Variants in C9orf85 observed in about 807,000 individuals in gnomAD.
The protein encoded by C9orf85 is uncharacterized protein C9orf85.
C9orf85 carries 16 observed loss-of-function variants against 14.9 expected under a neutral mutation model. That is an observed-to-expected ratio of 1.08 (90% CI 0.73 to 1.63). The LOEUF (loss-of-function observed/expected upper bound fraction) is 1.63. Among genes scored for constraint, C9orf85 ranks in the 40% most tolerant of loss-of-function variants. The pLI, the probability that C9orf85 is intolerant of heterozygous loss-of-function variation, is 0.00. For synonymous variants in C9orf85, 45 were observed against 56.8 expected, an observed-to-expected ratio of 0.79 and a Z score of 0.93; for missense variants, 172 against 186.1, an observed-to-expected ratio of 0.92 and a Z score of 0.44.
intron 1 of C9orf85, among the ~76,000 whole-genome samples, chr9:71,924,296 T>C (rs1827882666): frequency 6.6e-6 from 1 of 152,368 alleles, no homozygotes; most frequent in East Asian, 1.9e-4. Flanking sequence ...TTTAGAACTT[T>C]ATGGCAAACA....
At chr9:71,975,395 C>A (rs983086069), downstream of C9orf85, among the ~76,000 whole-genome samples, 11 of 146,444 alleles carry the variant, frequency 7.5e-5, no homozygotes, top group Admixed American at 2.7e-4. Context: ...GAGCCAAGAT[C>A]GCGCCATTGC....
At chr9:71,912,627 A>T (rs1827538694) in intron 1 of C9orf85, among the ~76,000 whole-genome samples, 2 of 151,920 alleles carry the variant, frequency 1.3e-5, no homozygotes, top group Non-Finnish European at 2.9e-5. Context: ...GGCGCTTGTA[A>T]TCTCAGCACT....
chr9:71,976,283 A>G (rs1822993509), downstream of C9orf85, among the ~76,000 whole-genome samples: 1 of 152,334 alleles, frequency 6.6e-6, no homozygotes, highest in East Asian at 1.9e-4. Flanking sequence ...GGATATCAAG[A>G]CTGCATTCAC....
chr9:71,946,994 TTTG>T lies in C9orf85; in HGVS notation c.103-9_103-7del, dbSNP rs763866469. ...GTGAAATTCTCAATTTGTCTTTCTGTTTGTTTTTAAGAAAATTAATGCAAAACT... is the reference window on the plus strand; with the variant it reads ...GTGAAATTCTCAATTTGTCTTTCTGTTTTTTAAGAAAATTAATGCAAAACT... On this transcript the variant is annotated splice_polypyrimidine_tract_variant and intron_variant, in intron 1 of 3. Transcript: ENST00000334731. The T allele has an allele frequency of 1.3e-6, 2 of 1,594,802 alleles. No individual in the cohort carries two copies. The highest frequency in any genetic ancestry group is 2.7e-5 in the African/African-American group (2 of 74,418).
At chr9:71,934,517 G>A (rs1190399059) in intron 1 of C9orf85, among the ~76,000 whole-genome samples, 1 of 152,122 alleles carries the variant, frequency 6.6e-6, no homozygotes, top group Non-Finnish European at 1.5e-5. Flanking sequence ...GAGTAGAAAG[G>A]CAGCTCATAG....
rs779819278 is a variant in C9orf85, at chr9:71,911,780, C to G, written c.46C>G (p.His16Asp). The change falls in exon 1 of 4, where the codon CAC becomes GAC. Residue 16 changes from histidine to aspartate, a missense_variant. His to Asp is a moderately conservative substitution (Grantham distance 81). Transcript: ENST00000334731. ...CGTGGCTCGTTCCAGACCTCAGAAG[C>G]ACCAGAATACGTTTAGCTTCAAAAA... ...GNVARSRPQK[H>D]QNTFSFKNDK... 1 of 1,614,040 alleles carries G rather than the reference C, an allele frequency of 6.2e-7. No homozygotes were observed. Among genetic ancestry groups the G allele is most frequent in the African/African-American group, 1.3e-5 (1 of 74,922 alleles).
chr9:71,959,263 G>A (rs988553254), intron 2 of C9orf85, among the ~76,000 whole-genome samples: 7 of 151,140 alleles, frequency 4.6e-5, no homozygotes, highest in African/African-American at 7.3e-5. Context: ...TCAGCCTCCC[G>A]AGTAGCTGGG....
intron 1 of C9orf85, among the ~76,000 whole-genome samples, chr9:71,932,045 A>T (rs149199477): frequency 6.6e-6 from 1 of 152,130 alleles, no homozygotes; most frequent in Non-Finnish European, 1.5e-5. Flanking sequence ...GAGTCCAGGA[A>T]TGATCATTCT....
intron 2 of C9orf85, among the ~76,000 whole-genome samples, chr9:71,969,050 C>T (rs777470923): frequency 9.9e-5 from 15 of 151,952 alleles, no homozygotes; most frequent in East Asian, 3.9e-4. Context: ...TTAGAACTGG[C>T]GGGAAGGTTG....
At chr9:71,941,463 AAAAAATATTT>A (rs1821928378) in intron 1 of C9orf85, among the ~76,000 whole-genome samples, 1 of 152,196 alleles carries the variant, frequency 6.6e-6, no homozygotes, top group Non-Finnish European at 1.5e-5. Flanking sequence ...ATTCTGATCC[AAAAAATATTT>A]AAACTGGATA....
chr9:71,956,918 A>C (rs1822395287), intron 2 of C9orf85, among the ~76,000 whole-genome samples: 1 of 152,192 alleles, frequency 6.6e-6, no homozygotes, highest in Non-Finnish European at 1.5e-5. Flanking sequence ...AAGAAGAAAC[A>C]GTATAGAATG....
At chr9:71,952,023 T>C (rs780555127) in intron 2 of C9orf85, among the ~76,000 whole-genome samples, 1 of 152,118 alleles carries the variant, frequency 6.6e-6, no homozygotes, top group African/African-American at 2.4e-5. Flanking sequence ...GTTTAAAAGA[T>C]TTTGTCCCTT....
At chr9:71,919,379 G>A (rs1827734121) in intron 1 of C9orf85, among the ~76,000 whole-genome samples, 1 of 152,170 alleles carries the variant, frequency 6.6e-6, no homozygotes, top group Admixed American at 6.5e-5. Flanking sequence ...GGTAGCCACT[G>A]AGCAAAGCAG....
chr9:71,961,006 G>A (rs1050074738), intron 2 of C9orf85, among the ~76,000 whole-genome samples: 7 of 145,234 alleles, frequency 4.8e-5, no homozygotes, highest in South Asian at 4.6e-4. Flanking sequence ...TCTGCCTCCC[G>A]GGATCAAGTG....
intron 1 of C9orf85, among the ~76,000 whole-genome samples, chr9:71,934,215 G>T (rs1358429113): frequency 6.6e-6 from 1 of 152,028 alleles, no homozygotes; most frequent in Admixed American, 6.6e-5. Flanking sequence ...GTTGTGCCAG[G>T]CACCTGTAAT....
At position 71,933,529 on chromosome 9, in the gene C9orf85, C is replaced by T. The variant is rs1564086908; in HGVS notation, c.103-13477C>T. 5.3e-5 allele frequency among the ~76,000 whole-genome samples: 8 copies of T among 152,168 alleles called. 1 individual carries two copies. In the South Asian group the frequency reaches 1.4e-3, roughly 28 times the overall value. On this transcript the variant is annotated intron_variant, in intron 1 of 3. Coordinates refer to ENST00000334731, the MANE Select transcript of C9orf85 (RefSeq NM_182505.5). ...TCTAAGTTGAGAACTTTCACCTTTT[C>T]ACTTAAAGGAACCACTCTACAACTT... is the stretch of plus-strand genomic sequence containing the variant.
chr9:71,964,897 A>AC (rs1822647803), intron 2 of C9orf85, among the ~76,000 whole-genome samples: 1 of 152,184 alleles, frequency 6.6e-6, no homozygotes, highest in Non-Finnish European at 1.5e-5. Flanking sequence ...GTTAGGACGA[A>AC]CCCGGGCACT....
intron 2 of C9orf85, among the ~76,000 whole-genome samples, chr9:71,970,643 A>C (rs1043913221): frequency 2.0e-5 from 3 of 152,082 alleles, no homozygotes; most frequent in Non-Finnish European, 4.4e-5. Flanking sequence ...GTGAATCCTC[A>C]CATTTTATTG....
chr9:71,927,031 A>C (rs1233967084), intron 1 of C9orf85, among the ~76,000 whole-genome samples: 1 of 152,110 alleles, frequency 6.6e-6, no homozygotes, highest in Non-Finnish European at 1.5e-5. Context: ...TATCATGGTG[A>C]GGTTGGTAAA....
Sources: allele counts gnomAD v4.1 joint callset (sites outside exome capture counted in the v4.1 genomes callset), GRCh38; gene constraint gnomAD v4.1.1; transcripts MANE v1.5; gene names NCBI Gene and HGNC (gene_info 2026-07-23, HGNC 2026-07-21).